CATSPERE: variants seen among roughly 807,000 people sequenced by gnomAD.
CATSPERE encodes cation channel sperm-associated auxiliary subunit epsilon.
In CATSPERE, 93 loss-of-function variants were observed where a neutral mutation model predicts 114.1. That is an observed-to-expected ratio of 0.81 (90% CI 0.69 to 0.97). CATSPERE has a LOEUF of 0.97. CATSPERE is among the 50% of genes least tolerant of loss of function. CATSPERE has a pLI of 0.00. For synonymous variants in CATSPERE, 341 were observed against 384.1 expected (o/e 0.89, Z 1.31); for missense variants, 1,058 against 1,131.6 (o/e 0.93, Z 0.93).
At chr1:244,483,072 G>A (rs1670499532) in intron 5 of CATSPERE, among the ~76,000 whole-genome samples, 2 of 152,130 alleles carry the variant, frequency 1.3e-5, no homozygotes, top group African/African-American at 4.8e-5. Context: ...TGTTCATTCT[G>A]CTGATGCATT....
intron 12 of CATSPERE, 81 bp from the exon 13 acceptor site, chr1:244,583,783 C>T: frequency 2.3e-6 from 3 of 1,319,268 alleles, no homozygotes; most frequent in East Asian, 2.3e-5. Flanking sequence ...GCACATGGGA[C>T]TTTGCACTTG....
intron 20 of CATSPERE, among the ~76,000 whole-genome samples, chr1:244,629,526 T>TC (rs140243837): frequency 2.7e-5 from 4 of 149,708 alleles, no homozygotes; most frequent in South Asian, 2.1e-4. Context: ...TTTTTTTTTT[T>TC]GGTAGGGACA....
intron 20 of CATSPERE, among the ~76,000 whole-genome samples, 169 bp downstream of exon 20, chr1:244,617,855 ATGTTG>A (rs1249105691): frequency 1.3e-5 from 2 of 152,148 alleles, no homozygotes; most frequent in Non-Finnish European, 2.9e-5. Flanking sequence ...AGAAGATTTT[ATGTTG>A]TGTTAATTAA....
intron 17 of CATSPERE, 32 bp downstream of exon 17, chr1:244,593,610 T>C (rs762758194): frequency 3.8e-5 from 59 of 1,557,096 alleles, no homozygotes; most frequent in Middle Eastern, 1.8e-4. Context: ...TTTTAACTTA[T>C]ATTGAAAGTT....
rs564215025 is a variant in CATSPERE at position 244,589,609 on chromosome 1, A to T, written c.2138+1075A>T. On this transcript the variant is annotated intron_variant, in intron 14 of 21. Transcript: ENST00000366534. Reference sequence around the variant, plus strand: ...TCAGGCCTCATCCCACACCTGCTGAATCAAAATCTGCATTTTAACAAAATT... The same window carrying T: ...TCAGGCCTCATCCCACACCTGCTGATTCAAAATCTGCATTTTAACAAAATT... Among the ~76,000 whole-genome samples, 7 of 152,302 alleles carry T rather than the reference A, an allele frequency of 4.6e-5. 1 individual carries two copies. In the South Asian group the frequency reaches 1.5e-3, roughly 32 times the overall value.
chr1:244,636,303 T>C (rs562554107), intron 21 of CATSPERE, among the ~76,000 whole-genome samples: 4 of 152,120 alleles, frequency 2.6e-5, no homozygotes, highest in East Asian at 3.9e-4. Flanking sequence ...TGATGGGTTT[T>C]TTTTGCGGGG....
At chr1:244,520,222 GT>G (rs1236101293) in intron 8 of CATSPERE, among the ~76,000 whole-genome samples, 4 of 151,938 alleles carry the variant, frequency 2.6e-5, no homozygotes, top group African/African-American at 9.7e-5. Flanking sequence ...AATCCAAACT[GT>G]TTTTTTCCTA....
intron 15 of CATSPERE, 46 bp downstream of exon 15, chr1:244,591,777 T>C: frequency 8.8e-7 from 1 of 1,131,754 alleles, no homozygotes; most frequent in Non-Finnish European, 1.3e-6. Flanking sequence ...ATTAACGTAG[T>C]ACCAATACTT....
Position 244,552,606 on chromosome 1 carries a change from T to C in CATSPERE, c.821T>C (p.Val274Ala). 1.9e-6 allele frequency: 3 copies of C among 1,614,156 alleles called. No individual in the cohort carries two copies. Among genetic ancestry groups the C allele is most frequent in the Admixed American group, 1.7e-5 (1 of 60,018 alleles). The change falls in exon 9 of 22, where the codon GTG becomes GCG. Residue 274 changes from valine to alanine, a missense_variant. This residue lies in a region of CATSPERE where 787 missense variants were observed against 905.6 expected (regional missense o/e 0.87). Coordinates refer to ENST00000366534, the MANE Select transcript of CATSPERE (RefSeq NM_001130957.2). ...DSFKSWTRIRVPPDILSDDER... is the reference protein window; with the variant it reads ...DSFKSWTRIRAPPDILSDDER... Reference sequence around the variant, plus strand: ...TTCAAATCTTGGACCAGAATCAGAGTGCCTCCAGACATTCTGAGTGATGAT... The same window carrying C: ...TTCAAATCTTGGACCAGAATCAGAGCGCCTCCAGACATTCTGAGTGATGAT...
At chr1:244,628,240 A>G (rs1673458025) in intron 20 of CATSPERE, among the ~76,000 whole-genome samples, 1 of 152,208 alleles carries the variant, frequency 6.6e-6, no homozygotes, top group Non-Finnish European at 1.5e-5. Flanking sequence ...GGTACTATCC[A>G]TGGTTTCAGG....
At chr1:244,464,063 C>G (rs529934511) in intron 2 of CATSPERE, 107 bp downstream of exon 2, 1 of 821,946 alleles carries the variant, frequency 1.2e-6, no homozygotes, top group Admixed American at 2.2e-5. Flanking sequence ...TGTCACTCTT[C>G]TGTTTCGTTT....
intron 21 of CATSPERE, 49 bp from the exon 22 acceptor site, chr1:244,639,879 A>G: frequency 1.3e-6 from 2 of 1,486,368 alleles, no homozygotes; most frequent in South Asian, 2.6e-5. Context: ...TAACAGCCAA[A>G]GTGTGAACAA....
chr1:244,466,098 T>C lies in CATSPERE; in HGVS notation c.114+2142T>C, dbSNP rs545543738. Among the ~76,000 whole-genome samples the C allele has an allele frequency of 2.4e-4, 36 of 152,262 alleles. No individual in the cohort carries two copies. In the East Asian group the frequency reaches 6.9e-3, roughly 29 times the overall value. On this transcript the variant is annotated intron_variant, in intron 2 of 21. Transcript: ENST00000366534. ...CAGTCTACAGAAAAAAGTTTTTGAGTTTTCTCAGACTTGTTATCATAGTGA... is the reference window on the plus strand; with the variant it reads ...CAGTCTACAGAAAAAAGTTTTTGAGCTTTCTCAGACTTGTTATCATAGTGA...
At chr1:244,566,658 T>A (rs10927264) in intron 10 of CATSPERE, among the ~76,000 whole-genome samples, 10 of 60,984 alleles carry the variant, frequency 1.6e-4, no homozygotes, top group African/African-American at 7.8e-4. Context: ...CCTGCTTTTT[T>A]TTTTTTTTTT....
rs977153063 is a variant in CATSPERE at position 244,573,845 on chromosome 1, A to G, written c.1950+1073A>G. On this transcript the variant is annotated intron_variant, in intron 11 of 21. Transcript: ENST00000366534. This position sits in a 1 kb window ranked among gnomAD's most constrained non-coding sequence, Gnocchi z 4.0. ...ATTCTTGCAGCCATCTTTGCAAACA[A>G]TGTCATAATAGGTGTTATAAGTAAA... 2.6e-5 allele frequency among the ~76,000 whole-genome samples: 4 copies of G among 152,216 alleles called. No homozygotes were observed. Among genetic ancestry groups the G allele is most frequent in the East Asian group, 1.9e-4 (1 of 5,202 alleles).
At chr1:244,580,639 G>T (rs1258843390) in intron 11 of CATSPERE, among the ~76,000 whole-genome samples, 1 of 152,126 alleles carries the variant, frequency 6.6e-6, no homozygotes, top group Non-Finnish European at 1.5e-5. Flanking sequence ...AAGCCCTCCT[G>T]TGTTTTCCCT....
At chr1:244,485,739 C>G (rs1208151648) in intron 5 of CATSPERE, among the ~76,000 whole-genome samples, 3 of 150,458 alleles carry the variant, frequency 2.0e-5, no homozygotes, top group African/African-American at 7.3e-5. Context: ...GTCCTGTCAC[C>G]CAGGCTGGAG....
At chr1:244,569,286 A>G (rs1295818763) in intron 10 of CATSPERE, among the ~76,000 whole-genome samples, 2 of 152,132 alleles carry the variant, frequency 1.3e-5, no homozygotes, top group Admixed American at 6.5e-5. Context: ...AACCAGTCCC[A>G]ATGAGCTAAA....
chr1:244,626,845 C>T (rs770915648), intron 20 of CATSPERE, among the ~76,000 whole-genome samples: 5 of 152,208 alleles, frequency 3.3e-5, no homozygotes, highest in Non-Finnish European at 5.9e-5. Context: ...ACCATTCAAA[C>T]TTTCTCTATA....
Sources: allele counts gnomAD v4.1 joint callset (sites outside exome capture counted in the v4.1 genomes callset), GRCh38; gene constraint gnomAD v4.1.1; regional missense constraint gnomAD v4.1.1; non-coding constraint Gnocchi (gnomAD v3.1); transcripts MANE v1.5; gene names NCBI Gene and HGNC (gene_info 2026-07-23, HGNC 2026-07-21).